The following USP37 variants were observed in gnomAD, a reference collection of about 807,000 sequenced individuals.
USP37 encodes ubiquitin carboxyl-terminal hydrolase 37.
In USP37, 27 loss-of-function variants were observed where a neutral mutation model predicts 124.0. The observed-to-expected ratio is 0.22, with a 90% CI of 0.16 to 0.30. The LOEUF is 0.30. Among genes scored for constraint, USP37 ranks in the 10% least tolerant of loss-of-function variants. The probability of loss-of-function intolerance (pLI) is 1.00; values close to 1 mark genes in which losing one functional copy is unlikely to be tolerated. For synonymous variants in USP37, 365 were observed against 388.0 expected, an observed-to-expected ratio of 0.94 and a Z score of 0.70; for missense variants, 889 against 1,140.4, an observed-to-expected ratio of 0.78 and a Z score of 3.17.
chr2:218,508,132 C>T (rs950388780), intron 11 of USP37, among the ~76,000 whole-genome samples: 1 of 152,156 alleles, frequency 6.6e-6, no homozygotes, highest in African/African-American at 2.4e-5. Context: ...TGTCTCCTAG[C>T]AATGCTGAAG....
At chr2:218,490,094 G>GT (rs1287553298) in intron 14 of USP37, among the ~76,000 whole-genome samples, 1 of 152,194 alleles carries the variant, frequency 6.6e-6, no homozygotes, top group Non-Finnish European at 1.5e-5. Flanking sequence ...GCTCACGCCT[G>GT]TAATCCCAGC....
intron 16 of USP37, among the ~76,000 whole-genome samples, chr2:218,483,382 G>A (rs1194591387): frequency 6.6e-6 from 1 of 152,112 alleles, no homozygotes. Context: ...GAACAGATTT[G>A]ATAATGGCAT....
At chr2:218,488,669 CTT>C (rs1345436773) in intron 14 of USP37, among the ~76,000 whole-genome samples, 2 of 152,144 alleles carry the variant, frequency 1.3e-5, no homozygotes, top group Non-Finnish European at 2.9e-5. Flanking sequence ...CAGTTTCGCT[CTT>C]GTCACCCAGG....
intron 14 of USP37, among the ~76,000 whole-genome samples, chr2:218,494,229 T>C (rs1043950314): frequency 2.6e-5 from 4 of 152,228 alleles, no homozygotes; most frequent in Non-Finnish European, 5.9e-5. Flanking sequence ...CTGGAAAAGA[T>C]GTCAGTGAAC....
At chr2:218,544,252 C>T (rs769449778) in intron 8 of USP37, among the ~76,000 whole-genome samples, 2 of 150,998 alleles carry the variant, frequency 1.3e-5, no homozygotes, top group Non-Finnish European at 3.0e-5. Flanking sequence ...TGGTGGCACA[C>T]GCTTGTAGTC....
At chr2:218,488,194 AAAAG>A (rs1691691515) in intron 15 of USP37, 106 bp downstream of exon 15, 7 of 630,204 alleles carry the variant, frequency 1.1e-5, no homozygotes, top group Non-Finnish European at 1.0e-5. Flanking sequence ...AAAAAAAAAA[AAAAG>A]AAAAGAAAAG....
intron 24 of USP37, 52 bp downstream of exon 24, chr2:218,457,040 C>G: frequency 6.4e-7 from 1 of 1,554,194 alleles, no homozygotes; most frequent in African/African-American, 1.4e-5. Flanking sequence ...TAATAAAGAG[C>G]AAATGCTGAC....
chr2:218,548,041 T>A (rs1692459116), intron 6 of USP37, among the ~76,000 whole-genome samples: 1 of 152,200 alleles, frequency 6.6e-6, no homozygotes, highest in Non-Finnish European at 1.5e-5. Flanking sequence ...TTAAAACTTC[T>A]AAGAGCATCT....
chr2:218,512,444 G>C (rs903635010), intron 10 of USP37, among the ~76,000 whole-genome samples: 1 of 152,094 alleles, frequency 6.6e-6, no homozygotes, highest in South Asian at 2.1e-4. Flanking sequence ...GGAGACAGAG[G>C]TTGCAGTGAG....
At position 218,482,103 on chromosome 2, in the gene USP37, G is replaced by A. The variant is rs1228996972; in HGVS notation, c.1802C>T (p.Pro601Leu). The change falls in exon 17 of 26, where the codon CCT becomes CTT. Residue 601 changes from proline to leucine, a missense_variant. Coordinates refer to ENST00000258399, the MANE Select transcript of USP37 (RefSeq NM_020935.3). ...SSHCTENTKPPFTLGWSAHMA... is the reference protein window; with the variant it reads ...SSHCTENTKPLFTLGWSAHMA... ...ATGTGCACTCCAACCAAGGGTAAAAGGTGGTTTTGTATTTTCAGTGCAATG... is the reference window on the plus strand; with the variant it reads ...ATGTGCACTCCAACCAAGGGTAAAAAGTGGTTTTGTATTTTCAGTGCAATG... 6.2e-7 allele frequency: 1 copy of A among 1,613,126 alleles called. No individual in the cohort carries two copies. The highest frequency in any genetic ancestry group is 8.5e-7 in the Non-Finnish European group (1 of 1,179,436).
At chr2:218,496,208 T>C (rs1399432743) in intron 13 of USP37, among the ~76,000 whole-genome samples, 1 of 151,898 alleles carries the variant, frequency 6.6e-6, no homozygotes, top group African/African-American at 2.4e-5. Flanking sequence ...CAGAAAAATT[T>C]CTTGAACCTG....
intron 3 of USP37, 28 bp from the exon 4 acceptor site, chr2:218,558,705 T>C (rs774920279): frequency 1.3e-6 from 2 of 1,509,598 alleles, no homozygotes; most frequent in Non-Finnish European, 1.8e-6. Flanking sequence ...AATATACCTT[T>C]ACCTGGCAGG....
In USP37 at chr2:218,546,218, T is replaced by TA; in HGVS notation, c.680+2dup. On this transcript the variant is annotated splice_region_variant and intron_variant, in intron 8 of 25. Coordinates refer to ENST00000258399, the MANE Select transcript of USP37 (RefSeq NM_020935.3). Reference sequence around the variant, plus strand: ...CACTATAAAGGCCCTTAAAGTAACTTACGATGATGAATCATTTTCCTTAGG... The same window carrying TA: ...CACTATAAAGGCCCTTAAAGTAACTTAACGATGATGAATCATTTTCCTTAGG... The TA allele has an allele frequency of 6.2e-7, 1 of 1,610,032 alleles. No individual in the cohort carries two copies. Among genetic ancestry groups the TA allele is most frequent in the South Asian group, 1.1e-5 (1 of 90,652 alleles).
intron 13 of USP37, among the ~76,000 whole-genome samples, chr2:218,497,182 G>A (rs1033455627): frequency 6.6e-6 from 1 of 150,396 alleles, no homozygotes; most frequent in Non-Finnish European, 1.5e-5. Flanking sequence ...GAGATTCTCC[G>A]GCCTCAGCTT....
intron 20 of USP37, among the ~76,000 whole-genome samples, chr2:218,471,317 G>A (rs1223224154): frequency 1.3e-5 from 2 of 152,194 alleles, no homozygotes. Context: ...CTGGTCTAGG[G>A]TAATGACTTC....
At chr2:218,458,138 G>A (rs576541723) in intron 23 of USP37, among the ~76,000 whole-genome samples, 5 of 147,340 alleles carry the variant, frequency 3.4e-5, no homozygotes, top group South Asian at 2.1e-4. Context: ...CATAAACTTC[G>A]ATTTAGTAAT....
At chr2:218,512,489 C>CAG (rs1225739242) in intron 10 of USP37, among the ~76,000 whole-genome samples, 2 of 151,904 alleles carry the variant, frequency 1.3e-5, no homozygotes, top group Non-Finnish European at 2.9e-5. Context: ...GCCTGAGGGA[C>CAG]AGAGAGAGAC....
At chr2:218,464,536 C>T (rs1273393461) in intron 21 of USP37, among the ~76,000 whole-genome samples, 1 of 152,188 alleles carries the variant, frequency 6.6e-6, no homozygotes, top group Admixed American at 6.5e-5. Context: ...CAGTGCCCAG[C>T]TTAGATTTCT....
chr2:218,540,915 G>T (rs1330203677), intron 8 of USP37, among the ~76,000 whole-genome samples: 1 of 152,084 alleles, frequency 6.6e-6, no homozygotes, highest in Non-Finnish European at 1.5e-5. Flanking sequence ...GACAGCATAT[G>T]ACCACAAAGA....
Sources: gnomAD v4.1 joint callset for allele counts (sites outside exome capture counted in the v4.1 genomes callset) on GRCh38, gnomAD v4.1.1 for gene constraint, MANE v1.5 for transcripts, NCBI Gene and HGNC (gene_info 2026-07-23, HGNC 2026-07-21) for gene names.